HSF5: variants seen among roughly 807,000 people sequenced by gnomAD.
HSF5 encodes heat shock factor protein 5.
A neutral mutation model predicts 50.8 loss-of-function variants in HSF5; 5 were observed. The observed-to-expected ratio is 0.10, with a 90% confidence interval of 0.05 to 0.21. The LOEUF is 0.21. Among genes scored for constraint, HSF5 ranks in the 10% least tolerant of loss-of-function variants. The probability of loss-of-function intolerance (pLI) is 1.00; values close to 1 mark genes in which losing one functional copy is unlikely to be tolerated. For missense variants in HSF5, 564 were observed against 762.6 expected, an observed-to-expected ratio of 0.74 and a Z score of 3.07; for synonymous variants, 307 against 307.4, an observed-to-expected ratio of 1.00 and a Z score of 0.02.
At chr17:58,446,465 G>A (rs1003033396) in intron 5 of HSF5, among the ~76,000 whole-genome samples, 1 of 152,186 alleles carries the variant, frequency 6.6e-6, no homozygotes, top group Non-Finnish European at 1.5e-5. Context: ...CTTAGTACTG[G>A]TGCCATCGCA....
chr17:58,486,035 C>T (rs1041433695), intron 1 of HSF5, among the ~76,000 whole-genome samples: 2 of 151,728 alleles, frequency 1.3e-5, no homozygotes, highest in Non-Finnish European at 2.9e-5. Context: ...TGCCATTGCA[C>T]GCCAGCCTGG....
intron 5 of HSF5, among the ~76,000 whole-genome samples, chr17:58,442,675 C>A (rs34683543): frequency 0.2 from 30,326 of 152,074 alleles, 3,193 homozygotes; most frequent in Non-Finnish European, 0.22. Context: ...CTGAGACAAA[C>A]CAAGTAGAGT....
At chr17:58,464,282 C>T (rs1446540275) in intron 3 of HSF5, among the ~76,000 whole-genome samples, 3 of 152,174 alleles carry the variant, frequency 2.0e-5, no homozygotes, top group Non-Finnish European at 2.9e-5. Flanking sequence ...ATGCAAAGTG[C>T]TTTATATAGA....
chr17:58,488,187 T>C lies in HSF5; in HGVS notation c.88A>G (p.Ile30Val). ...CCCTCGCCGCGGCCGTCCCAGCGGA[T>C]GGAGCGGTAGCGCGGGCTGTTCACC... Reference protein sequence around the residue: ...RLVNSPRYRSIRWDGRGEGLL... With the variant: ...RLVNSPRYRSVRWDGRGEGLL... Residue 30 changes from isoleucine to valine, a missense_variant, in exon 1 of 6, where the codon ATC becomes GTC. Around this residue, in one of 5 missense-constraint regions of HSF5, gnomAD observed 72 missense variants for 110.9 expected, o/e 0.65. Coordinates refer to ENST00000323777, the MANE Select transcript of HSF5 (RefSeq NM_001080439.3). The surrounding 1 kb of genome is among the most constrained non-coding windows in gnomAD (Gnocchi z 4.1). 6.5e-7 allele frequency: 1 copy of C among 1,533,810 alleles called. No individual in the cohort carries two copies.
At position 58,422,145 on chromosome 17, in the gene HSF5, G is replaced by A; in HGVS notation, c.*215C>T. 2.0e-6 allele frequency: 1 copy of A among 488,334 alleles called. No homozygotes were observed. The highest frequency in any genetic ancestry group is 3.5e-5 in the East Asian group (1 of 28,602). The allele number at this position is 488,334 out of a possible 1,614,324, so 30.3% of individuals were successfully genotyped here. A position where few individuals can be genotyped will look rare whatever the true frequency, so the allele number is the denominator to read the frequency against. On this transcript the variant is annotated 3_prime_UTR_variant, in exon 6 of 6. Coordinates refer to ENST00000323777, the MANE Select transcript of HSF5 (RefSeq NM_001080439.3). ...GGGCAGCCAAAAAACGTGGCTGCTA[G>A]ATGTTCAGTAGTTTGTCAAGGCAGA...
At chr17:58,476,877 T>G (rs1341805192) in intron 2 of HSF5, 1 of 1,282,850 alleles carries the variant, frequency 7.8e-7, no homozygotes, top group African/African-American at 1.5e-5. Context: ...TGTTTTTTTT[T>G]TCCTGAGGTC....
rs369302140 is a variant in HSF5 at position 58,462,798 on chromosome 17, G to C, written c.1526C>G (p.Pro509Arg). The C allele has an allele frequency of 6.2e-7, 1 of 1,607,654 alleles. No homozygotes were observed. Among genetic ancestry groups the C allele is most frequent in the African/African-American group, 1.3e-5 (1 of 74,830 alleles). The change falls in exon 4 of 6, where the codon CCA (proline) becomes CGA (arginine). Residue 509 changes from proline (P) to arginine (R), a missense_variant. Physicochemically the swap from Pro to Arg is moderately radical, Grantham distance 103. Around this residue, in one of 5 missense-constraint regions of HSF5, gnomAD observed 441 missense variants for 533.6 expected, o/e 0.83. Transcript: ENST00000323777. Reference sequence around the variant, plus strand: ...CCCCCTTACCTGGTGTGTGCTGAATGGTGGCCCTTCCTGCACAAATACTAC... The same window carrying C: ...CCCCCTTACCTGGTGTGTGCTGAATCGTGGCCCTTCCTGCACAAATACTAC... ...SSVVFVQEGP[P>R]FSTHQVDANI...
chr17:58,430,993 G>A (rs1974357446), intron 5 of HSF5, among the ~76,000 whole-genome samples: 1 of 152,156 alleles, frequency 6.6e-6, no homozygotes. Flanking sequence ...CATGTTGTGG[G>A]AGAGACCTGG....
intron 1 of HSF5, 149 bp downstream of exon 1, chr17:58,487,576 A>G: frequency 8.0e-7 from 1 of 1,255,696 alleles, no homozygotes; most frequent in Non-Finnish European, 1.0e-6. Context: ...CGGGACCGCC[A>G]GTCTCGGGAA....
chr17:58,486,644 C>A (rs977094190), intron 1 of HSF5, among the ~76,000 whole-genome samples: 10 of 152,156 alleles, frequency 6.6e-5, no homozygotes, highest in African/African-American at 2.4e-4. Flanking sequence ...AAATGTGTAG[C>A]CAATTCATTC....
At chr17:58,465,094 G>C (rs1214421323) in intron 3 of HSF5, among the ~76,000 whole-genome samples, 1 of 150,506 alleles carries the variant, frequency 6.6e-6, no homozygotes, top group Middle Eastern at 3.2e-3. Flanking sequence ...AGGACAAAAG[G>C]TGCATGCACC....
rs1374569821 is a variant in HSF5, at chr17:58,472,482, TAATAAA to T, written c.926-5509_926-5504del. On this transcript the variant is annotated intron_variant, in intron 2 of 5. Coordinates refer to ENST00000323777, the MANE Select transcript of HSF5 (RefSeq NM_001080439.3). ...AAGTGAGACCTTGTCTCTTAAAAAA[TAATAAA>T]AATAAAAATAAACACAGCTTTTAAA... 2.0e-5 allele frequency among the ~76,000 whole-genome samples: 3 copies of T among 152,172 alleles called. No homozygotes were observed. In the East Asian group the frequency reaches 5.8e-4, roughly 29 times the overall value.
intron 2 of HSF5, among the ~76,000 whole-genome samples, chr17:58,468,268 CAT>C (rs1368138412): frequency 1.3e-5 from 2 of 152,120 alleles, no homozygotes; most frequent in Non-Finnish European, 2.9e-5. Context: ...CTTGGCGGCA[CAT>C]GTTTGTAGTC....
At chr17:58,477,502 C>T (rs1240008708) in intron 2 of HSF5, among the ~76,000 whole-genome samples, 5 of 149,034 alleles carry the variant, frequency 3.4e-5, no homozygotes, top group African/African-American at 1.2e-4. Context: ...CTCTGTCGCC[C>T]AGGCTGGAGT....
At chr17:58,425,312 C>T (rs925522430) in intron 5 of HSF5, among the ~76,000 whole-genome samples, 10 of 151,562 alleles carry the variant, frequency 6.6e-5, no homozygotes, top group Admixed American at 1.3e-4. Flanking sequence ...GCAGGAGAAT[C>T]GGAAAATCGC....
intron 5 of HSF5, among the ~76,000 whole-genome samples, chr17:58,422,694 CTTT>C (rs34142135): frequency 3.2e-5 from 4 of 125,176 alleles, no homozygotes; most frequent in African/African-American, 3.0e-5. Flanking sequence ...CCTCAGTTGC[CTTT>C]TTTTTTTTTT....
intron 5 of HSF5, among the ~76,000 whole-genome samples, chr17:58,428,385 C>A (rs1333977365): frequency 6.6e-6 from 1 of 152,080 alleles, no homozygotes; most frequent in Non-Finnish European, 1.5e-5. Context: ...GAAGGCCAGG[C>A]GCGGTGGCTC....
At chr17:58,482,709 CAAAAAAAAAAAAA>C (rs34783781) in intron 1 of HSF5, among the ~76,000 whole-genome samples, 4 of 13,462 alleles carry the variant, frequency 3.0e-4, no homozygotes, top group Non-Finnish European at 5.1e-4. Context: ...GACTCCATCT[CAAAAAAAAAAAAA>C]AAAAAAAAAA....
intron 5 of HSF5, among the ~76,000 whole-genome samples, chr17:58,422,989 C>G (rs1157066801): frequency 6.6e-6 from 1 of 152,122 alleles, no homozygotes; most frequent in Non-Finnish European, 1.5e-5. Flanking sequence ...AGCCACGGTG[C>G]CTGGCCTTCA....
Sources: allele counts gnomAD v4.1 joint callset (sites outside exome capture counted in the v4.1 genomes callset), GRCh38; gene constraint gnomAD v4.1.1; regional missense constraint gnomAD v4.1.1; non-coding constraint Gnocchi (gnomAD v3.1); transcripts MANE v1.5; gene names NCBI Gene and HGNC (gene_info 2026-07-23, HGNC 2026-07-21).